Variants in GABRG3 observed in about 807,000 individuals in gnomAD.
GABRG3 encodes the protein gamma-aminobutyric acid type A receptor subunit gamma3, also known as gamma-aminobutyric acid receptor subunit gamma-3.
A neutral mutation model predicts 48.8 loss-of-function variants in GABRG3; 25 were observed. That is an observed-to-expected ratio of 0.51 (90% CI 0.37 to 0.72). The LOEUF (loss-of-function observed/expected upper bound fraction) is 0.72. Among genes scored for constraint, GABRG3 ranks in the 30% least tolerant of loss-of-function variants. GABRG3 has a pLI of 0.00. For missense variants in GABRG3, 394 were observed against 577.9 expected (o/e 0.68, Z 3.26); for synonymous variants, 227 against 217.6 (o/e 1.04, Z -0.38).
At chr15:27,295,758 C>G (rs1445592804) in intron 3 of GABRG3, among the ~76,000 whole-genome samples, 1 of 152,182 alleles carries the variant, frequency 6.6e-6, no homozygotes, top group Non-Finnish European at 1.5e-5. Context: ...GGTTGTAACT[C>G]TCAGAGTCTA....
chr15:27,478,041 C>T (rs1365413805), intron 5 of GABRG3, among the ~76,000 whole-genome samples: 3 of 142,818 alleles, frequency 2.1e-5, no homozygotes, highest in African/African-American at 8.1e-5. Flanking sequence ...AGGGAGACTC[C>T]ATGTCACAAA....
chr15:27,439,600 G>A (rs1385031754), intron 5 of GABRG3, among the ~76,000 whole-genome samples: 12 of 152,156 alleles, frequency 7.9e-5, no homozygotes, highest in African/African-American at 2.9e-4. Context: ...TCCTCCCAGG[G>A]CTGGCTGGAC....
chr15:27,214,937 A>C (rs1889197544), intron 3 of GABRG3, among the ~76,000 whole-genome samples: 1 of 152,226 alleles, frequency 6.6e-6, no homozygotes, highest in South Asian at 2.1e-4. Context: ...TCCTGTGATT[A>C]GCTATTAAAA....
intron 3 of GABRG3, among the ~76,000 whole-genome samples, chr15:27,285,279 G>A (rs1237711796): frequency 1.3e-5 from 2 of 149,930 alleles, no homozygotes; most frequent in African/African-American, 5.0e-5. Context: ...GTGTGTGTGT[G>A]TGTGTGTGTG....
At chr15:27,364,387 A>AAGC (rs1895121863) in intron 5 of GABRG3, 6 of 152,640 alleles carry the variant, frequency 3.9e-5, no homozygotes, top group African/African-American at 9.6e-5. Context: ...ACTCTGGGTA[A>AAGC]TGATGGGCAC....
At chr15:27,105,668 A>T (rs1475045602) in intron 3 of GABRG3, among the ~76,000 whole-genome samples, 1 of 152,176 alleles carries the variant, frequency 6.6e-6, no homozygotes, top group Non-Finnish European at 1.5e-5. Context: ...GGGGGTATGG[A>T]GAAAAGGGAA....
At chr15:27,189,107 A>G (rs1052474562) in intron 3 of GABRG3, among the ~76,000 whole-genome samples, 2 of 152,080 alleles carry the variant, frequency 1.3e-5, no homozygotes, top group African/African-American at 4.8e-5. Context: ...TGGTACCAGT[A>G]CCATGCTGTT....
At chr15:26,972,700 G>C (rs1380777648) in intron 1 of GABRG3, among the ~76,000 whole-genome samples, 1 of 152,118 alleles carries the variant, frequency 6.6e-6, no homozygotes, top group African/African-American at 2.4e-5. Flanking sequence ...TCCTATTTGT[G>C]AACTACCAAG....
chr15:27,063,813 C>G (rs1218794968), intron 3 of GABRG3, among the ~76,000 whole-genome samples: 5 of 152,166 alleles, frequency 3.3e-5, no homozygotes, highest in Non-Finnish European at 7.3e-5. Flanking sequence ...GCAGAGCCCC[C>G]CAGGTCAGAA....
chr15:27,125,484 G>A (rs1272147658), intron 3 of GABRG3, among the ~76,000 whole-genome samples: 1 of 152,114 alleles, frequency 6.6e-6, no homozygotes, highest in Non-Finnish European at 1.5e-5. Flanking sequence ...AGAGAATTTT[G>A]ACTGTTCACA....
At chr15:27,273,442 T>C (rs1339758389) in intron 3 of GABRG3, among the ~76,000 whole-genome samples, 1 of 152,244 alleles carries the variant, frequency 6.6e-6, no homozygotes, top group Non-Finnish European at 1.5e-5. Flanking sequence ...CTTGTTTTGA[T>C]CCATCACTAC....
At chr15:27,203,552 T>C (rs1248444561) in intron 3 of GABRG3, among the ~76,000 whole-genome samples, 1 of 152,196 alleles carries the variant, frequency 6.6e-6, no homozygotes, top group Non-Finnish European at 1.5e-5. Flanking sequence ...TCTTTGGGTC[T>C]ATACCCAGTA....
intron 3 of GABRG3, among the ~76,000 whole-genome samples, chr15:27,237,480 G>A (rs182776907): frequency 6.4e-4 from 97 of 152,250 alleles, no homozygotes; most frequent in Admixed American, 1.6e-3. Flanking sequence ...GCCAGCAGCC[G>A]GCAGTCGCCA....
chr15:27,117,558 C>T (rs1050378848), intron 3 of GABRG3, among the ~76,000 whole-genome samples: 2 of 152,190 alleles, frequency 1.3e-5, no homozygotes, highest in Non-Finnish European at 2.9e-5. Context: ...CATATGAACT[C>T]TCTCAAAAAC....
chr15:27,261,977 G>A (rs1274292883), intron 3 of GABRG3, among the ~76,000 whole-genome samples: 3 of 152,102 alleles, frequency 2.0e-5, no homozygotes, highest in Admixed American at 2.0e-4. Flanking sequence ...TACTCTTTAT[G>A]GTTTCTTTCT....
At chr15:27,277,284 G>A (rs1340046694) in intron 3 of GABRG3, among the ~76,000 whole-genome samples, 4 of 152,296 alleles carry the variant, frequency 2.6e-5, no homozygotes, top group East Asian at 1.9e-4. Flanking sequence ...TTCTATGAGC[G>A]GTCATGCAAA....
At position 27,236,137 on chromosome 15, in the gene GABRG3, C is replaced by G. The variant is rs919441379; in HGVS notation, c.271-90672C>G. On this transcript the variant is annotated intron_variant, in intron 3 of 9. Transcript: ENST00000615808. This position sits in a 1 kb window ranked among gnomAD's most constrained non-coding sequence, Gnocchi z 4.4. ...GGTGTGTCCTGAGCCCCATCAGATC[C>G]ATGGTACAGACCCAGAACACTTTTC... Among the ~76,000 whole-genome samples, 4 of 152,246 alleles carry G rather than the reference C, an allele frequency of 2.6e-5. No homozygotes were observed. The East Asian group carries it at 7.7e-4, about 29-fold the overall frequency.
chr15:27,172,638 G>A (rs1887610887), intron 3 of GABRG3, among the ~76,000 whole-genome samples: 2 of 152,028 alleles, frequency 1.3e-5, no homozygotes, highest in African/African-American at 4.8e-5. Context: ...CCTGGTCATC[G>A]CCTCCTGCAG....
intron 3 of GABRG3, among the ~76,000 whole-genome samples, chr15:27,138,376 A>G (rs1285249987): frequency 6.6e-6 from 1 of 152,210 alleles, no homozygotes; most frequent in Non-Finnish European, 1.5e-5. Flanking sequence ...GTACTATAAT[A>G]TATAGCCCAA....
Sources: gnomAD v4.1 joint callset for allele counts (sites outside exome capture counted in the v4.1 genomes callset) on GRCh38, gnomAD v4.1.1 for gene constraint, Gnocchi (gnomAD v3.1) non-coding constraint, MANE v1.5 for transcripts, NCBI Gene and HGNC (gene_info 2026-07-23, HGNC 2026-07-21) for gene names.